Variants in FBXW4 observed in about 807,000 individuals in gnomAD.
The protein encoded by FBXW4 is F-box and WD repeat domain containing 4.
Under a neutral mutation model 61.8 loss-of-function variants are expected in FBXW4, and 40 were observed. The ratio of observed to expected loss-of-function variants is 0.65; its 90% confidence interval spans 0.50 to 0.84. The LOEUF is 0.84. FBXW4 is among the 40% of genes least tolerant of loss of function. The pLI, the probability that FBXW4 is intolerant of heterozygous loss-of-function variation, is 0.00. For synonymous variants in FBXW4, 311 were observed against 313.8 expected, an observed-to-expected ratio of 0.99 and a Z score of 0.10; for missense variants, 672 against 753.8, an observed-to-expected ratio of 0.89 and a Z score of 1.27.
intron 5 of FBXW4, among the ~76,000 whole-genome samples, chr10:101,663,266 G>A (rs569972887): frequency 6.6e-6 from 1 of 152,268 alleles, no homozygotes; most frequent in East Asian, 1.9e-4. Flanking sequence ...TTACAGCCAT[G>A]TGCCTATCAT....
Position 101,611,272 on chromosome 10 carries a change from G to C in FBXW4, c.*19C>G, listed in dbSNP as rs772376608. On this transcript the variant is annotated 3_prime_UTR_variant, in exon 9 of 9. Transcript: ENST00000331272. The surrounding 1 kb of genome is among the most constrained non-coding windows in gnomAD (Gnocchi z 4.9). ...AGTAGCTGGTTTCCCTGGCCCAGAG[G>C]CAGGGGTGGCCCTGACGGTCATGGG... is the stretch of plus-strand genomic sequence containing the variant. 1.9e-6 allele frequency: 3 copies of C among 1,610,784 alleles called. No individual in the cohort carries two copies. In the East Asian group the frequency reaches 6.7e-5, roughly 36 times the overall value.
chr10:101,670,800 G>A (rs1313199835), intron 4 of FBXW4, among the ~76,000 whole-genome samples: 1 of 152,200 alleles, frequency 6.6e-6, no homozygotes, highest in Non-Finnish European at 1.5e-5. Flanking sequence ...GGATGGGGCT[G>A]GCCCCACTAA....
At chr10:101,637,699 C>A (rs2064016365) in intron 5 of FBXW4, among the ~76,000 whole-genome samples, 1 of 82,030 alleles carries the variant, frequency 1.2e-5, no homozygotes, top group Admixed American at 1.4e-4. Flanking sequence ...GATCCTGTCT[C>A]AAAAAAAAAA....
chr10:101,624,862 TGGAAA>T, intron 5 of FBXW4, 52 bp from the exon 6 acceptor site: 1 of 1,585,446 alleles, frequency 6.3e-7, no homozygotes, highest in South Asian at 1.1e-5. Flanking sequence ...GAACCTGTGG[TGGAAA>T]TGGCTAACAA....
rs572682169 is a variant in FBXW4 at position 101,621,193 on chromosome 10, G to A, written c.1301+3552C>T. 7.9e-5 allele frequency among the ~76,000 whole-genome samples: 12 copies of A among 152,198 alleles called. 1 individual carries two copies. The South Asian group carries it at 2.1e-3, about 26-fold the overall frequency. On this transcript the variant is annotated intron_variant, in intron 6 of 8. Transcript: ENST00000331272. ...CCAGGAGTTCAGCAGGTTCACCTCC[G>A]CCTCCACTAGTCACTAAGACACGGA...
rs529515754 is a variant in FBXW4, at chr10:101,645,271, G to T, written c.1236-20461C>A. 2.6e-5 allele frequency among the ~76,000 whole-genome samples: 4 copies of T among 152,270 alleles called. No homozygotes were observed. In the South Asian group the frequency reaches 8.3e-4, roughly 32 times the overall value. On this transcript the variant is annotated intron_variant, in intron 5 of 8. Coordinates refer to ENST00000331272, the MANE Select transcript of FBXW4 (RefSeq NM_022039.4). The stretch of plus-strand genomic sequence containing the variant: ...GGCATGGAACAGCCTCTTCTTTTTG[G>T]GGGGAAGCCCAGTCCAACAACCTGC...
chr10:101,659,309 G>A, intron 5 of FBXW4: 1 of 851,376 alleles, frequency 1.2e-6, no homozygotes, highest in South Asian at 5.3e-5. Context: ...CAGCCATCTT[G>A]AACCCTGCAG....
chr10:101,673,938 A>G (rs1352935623), intron 2 of FBXW4, among the ~76,000 whole-genome samples: 1 of 152,210 alleles, frequency 6.6e-6, no homozygotes, highest in Non-Finnish European at 1.5e-5. Context: ...ACCACTTTTA[A>G]TTGGAGAATA....
At chr10:101,691,139 G>A (rs12249989) in intron 1 of FBXW4, among the ~76,000 whole-genome samples, 4,022 of 152,060 alleles carry the variant, frequency 0.026, 181 homozygotes, top group African/African-American at 0.089. Flanking sequence ...CACTTATCTA[G>A]TCTGCAGTTA....
intron 6 of FBXW4, among the ~76,000 whole-genome samples, chr10:101,616,661 G>A (rs1015596432): frequency 3.9e-5 from 6 of 152,358 alleles, no homozygotes; most frequent in African/African-American, 1.4e-4. Flanking sequence ...TGCAGCACTA[G>A]GGCAACCAGG....
intron 5 of FBXW4, chr10:101,660,342 G>GGGGGGC: frequency 8.2e-6 from 1 of 122,392 alleles, no homozygotes; most frequent in Non-Finnish European, 1.7e-5. Flanking sequence ...GGGGGGGTGG[G>GGGGGGC]TGCTGCATGT....
chr10:101,652,381 C>A (rs2064152330), intron 5 of FBXW4, among the ~76,000 whole-genome samples: 1 of 152,032 alleles, frequency 6.6e-6, no homozygotes, highest in African/African-American at 2.4e-5. Flanking sequence ...CCCTGGATAC[C>A]AGTACACATG....
chr10:101,655,863 C>A (rs1362430178), intron 5 of FBXW4, among the ~76,000 whole-genome samples: 1 of 152,224 alleles, frequency 6.6e-6, no homozygotes, highest in Non-Finnish European at 1.5e-5. Context: ...TGGGAGACTG[C>A]TCCTGAAACT....
intron 6 of FBXW4, among the ~76,000 whole-genome samples, chr10:101,614,435 C>T (rs1334544424): frequency 3.3e-5 from 5 of 152,152 alleles, no homozygotes; most frequent in Non-Finnish European, 7.3e-5. Context: ...AGCTGGGCCC[C>T]TACCCCAGCA....
chr10:101,658,502 G>A (rs890495242), intron 5 of FBXW4, among the ~76,000 whole-genome samples: 5 of 152,142 alleles, frequency 3.3e-5, no homozygotes, highest in Non-Finnish European at 5.9e-5. Flanking sequence ...CCGAGATCGC[G>A]CCACTGCACT....
At chr10:101,673,967 G>A (rs1002082912) in intron 2 of FBXW4, among the ~76,000 whole-genome samples, 1 of 152,080 alleles carries the variant, frequency 6.6e-6, no homozygotes, top group South Asian at 2.1e-4. Context: ...TTCAATTACT[G>A]GCTACCTAGA....
chr10:101,648,012 T>C (rs2064115436), intron 5 of FBXW4, among the ~76,000 whole-genome samples: 1 of 152,176 alleles, frequency 6.6e-6, no homozygotes, highest in Non-Finnish European at 1.5e-5. Flanking sequence ...CTCCTATAGG[T>C]GCTCAGTGAG....
chr10:101,694,997 T>G lies in FBXW4; in HGVS notation c.109A>C (p.Arg37=). ...GCTTTTCCCTTCCCCTTCCCCTTCC[T>G]TCGCTTCCCCCTCGCCACCCTCCCT... ...QEGRVARGKR[R]KGKGKGKARA... is the part of the protein sequence containing the mutation. The change falls in exon 1 of 9, where the codon AGG becomes CGG. Residue 37 remains arginine, a synonymous_variant. Transcript: ENST00000331272. The surrounding 1 kb of genome is among the most constrained non-coding windows in gnomAD (Gnocchi z 6.0). The G allele has an allele frequency of 9.0e-7, 1 of 1,111,248 alleles. No homozygotes were observed. The highest frequency in any genetic ancestry group is 4.8e-5 in the East Asian group (1 of 20,986). 68.8% of individuals were successfully genotyped at this position (1,111,248 alleles called of 1,614,324 possible). A position where few individuals can be genotyped will look rare whatever the true frequency, so the allele number is the denominator to read the frequency against.
At chr10:101,637,399 A>G (rs2064013540) in intron 5 of FBXW4, among the ~76,000 whole-genome samples, 1 of 132,964 alleles carries the variant, frequency 7.5e-6, no homozygotes. Flanking sequence ...CTCAAAAAAA[A>G]AAAAAAAAAA....
Sources: gnomAD v4.1 joint callset for allele counts (sites outside exome capture counted in the v4.1 genomes callset) on GRCh38, gnomAD v4.1.1 for gene constraint, Gnocchi (gnomAD v3.1) non-coding constraint, MANE v1.5 for transcripts, NCBI Gene and HGNC (gene_info 2026-07-23, HGNC 2026-07-21) for gene names.